BCORL1: variants seen among roughly 807,000 people sequenced by gnomAD.
BCORL1 encodes BCL-6 corepressor-like protein 1.
In BCORL1, 7 loss-of-function variants were observed where a neutral mutation model predicts 87.6. That is an observed-to-expected ratio of 0.08 (90% CI 0.05 to 0.15). The LOEUF (loss-of-function observed/expected upper bound fraction) is 0.15. Ranked by LOEUF, BCORL1 falls within the 10% of genes least tolerant of loss-of-function variation. BCORL1 has a pLI of 1.00. For synonymous variants in BCORL1, 591 were observed against 634.4 expected, an observed-to-expected ratio of 0.93 and a Z score of 1.03; for missense variants, 1,215 against 1,499.7, an observed-to-expected ratio of 0.81 and a Z score of 3.13.
At chrX:130,032,721 C>T (rs774325251) in intron 8 of BCORL1, among the ~76,000 whole-genome samples, 2 of 106,398 alleles carry the variant, frequency 1.9e-5, no homozygotes, top group South Asian at 4.2e-4. Flanking sequence ...ACCTCCAGGT[C>T]GAGAATCTCT....
chrX:130,047,246 C>G (rs1931810879), intron 11 of BCORL1, among the ~76,000 whole-genome samples: 3 of 111,053 alleles, frequency 2.7e-5, no homozygotes, highest in Non-Finnish European at 5.7e-5. Context: ...GGGCATATAC[C>G]TAGGAGTGGA....
chrX:130,001,962 G>T (rs372134294), intron 1 of BCORL1, among the ~76,000 whole-genome samples: 3 of 110,712 alleles, frequency 2.7e-5, no homozygotes, highest in East Asian at 2.8e-4. Context: ...ATAATATTCT[G>T]GGTGAGAGCT....
Position 130,056,547 on chromosome X carries a change from C to A in BCORL1, c.*411C>A. On this transcript the variant is annotated 3_prime_UTR_variant, in exon 14 of 14. Coordinates refer to ENST00000540052, the MANE Select transcript of BCORL1 (RefSeq NM_001379451.1). ...TCTCTGAGCGCCCCCCAACTCCATT[C>A]CCCTGTGTTCTTCTGTCTTCTGTAG... The A allele has an allele frequency of 7.2e-6, 1 of 137,949 alleles. No individual in the cohort carries two copies. Among genetic ancestry groups the A allele is most frequent in the African/African-American group, 3.1e-5 (1 of 32,436 alleles). 11.4% of individuals were successfully genotyped at this position (137,949 alleles called of 1,213,427 possible). A position where few individuals can be genotyped will look rare whatever the true frequency, so the allele number is the denominator to read the frequency against.
chrX:130,004,190 G>A (rs1928288128), intron 1 of BCORL1, among the ~76,000 whole-genome samples: 2 of 109,228 alleles, frequency 1.8e-5, no homozygotes, highest in Admixed American at 2.0e-4. Flanking sequence ...AGAGAGTGGT[G>A]GAACATGGAG....
At chrX:130,054,046 A>G (rs1395462695) in intron 13 of BCORL1, among the ~76,000 whole-genome samples, 1 of 112,335 alleles carries the variant, frequency 8.9e-6, no homozygotes, top group East Asian at 2.8e-4. Context: ...TTGATTCTAT[A>G]AACATGTCTT....
At chrX:129,997,970 C>T (rs1034918369) in intron 1 of BCORL1, among the ~76,000 whole-genome samples, 1 of 101,688 alleles carries the variant, frequency 9.8e-6, no homozygotes, top group African/African-American at 3.7e-5. Flanking sequence ...CATGTGCCTC[C>T]TAAATTGAAG....
chrX:129,991,899 C>T (rs1252879176), intron 1 of BCORL1, among the ~76,000 whole-genome samples: 1 of 95,227 alleles, frequency 1.1e-5, no homozygotes, highest in Non-Finnish European at 2.1e-5. Context: ...CCCCTGACCT[C>T]GTGATCCATC....
intron 4 of BCORL1, among the ~76,000 whole-genome samples, chrX:130,020,583 A>G (rs1337830396): frequency 8.9e-6 from 1 of 112,427 alleles, no homozygotes; most frequent in Non-Finnish European, 1.9e-5. Context: ...TACCATTCAC[A>G]GTGAAGTTAT....
At position 130,025,322 on chromosome X, in the gene BCORL1, C is replaced by G; in HGVS notation, c.4021C>G (p.Gln1341Glu). The change falls in exon 7 of 14, where the codon CAG (glutamine) becomes GAG (glutamate). Residue 1341 changes from glutamine to glutamate, a missense_variant. Physicochemically the swap from Gln to Glu is conservative, Grantham distance 29 (BLOSUM62 2). Around this residue, in one of 5 missense-constraint regions of BCORL1, gnomAD observed 166 missense variants for 196.5 expected, o/e 0.84. Coordinates refer to ENST00000540052, the MANE Select transcript of BCORL1 (RefSeq NM_001379451.1). Reference sequence around the variant, plus strand: ...AAGACGGCAGAAGAGCCGAAAATATCAGACTGGGGAGTACCTGACAGAGCA... The same window carrying G: ...AAGACGGCAGAAGAGCCGAAAATATGAGACTGGGGAGTACCTGACAGAGCA... The part of the protein sequence containing the change: ...KRRRQKSRKY[Q>E]TGEYLTEQED... 8.4e-7 allele frequency: 1 copy of G among 1,186,586 alleles called. No individual in the cohort carries two copies.
At chrX:130,046,529 C>G (rs776587413) in intron 11 of BCORL1, among the ~76,000 whole-genome samples, 1 of 108,921 alleles carries the variant, frequency 9.2e-6, no homozygotes, top group African/African-American at 3.3e-5. Flanking sequence ...GGATTACAGA[C>G]ATGCACCACC....
chrX:130,044,800 C>G (rs186478202), intron 11 of BCORL1, among the ~76,000 whole-genome samples: 1 of 112,526 alleles, frequency 8.9e-6, no homozygotes, highest in Non-Finnish European at 1.9e-5. Flanking sequence ...TGAGCCACCG[C>G]GCCCAGCAGT....
In BCORL1 at chrX:130,015,848, G is replaced by A; in HGVS notation, c.3076G>A (p.Val1026Ile). 1 of 1,211,968 alleles carries A rather than the reference G, an allele frequency of 8.3e-7. No homozygotes were observed. The highest frequency in any genetic ancestry group is 1.7e-5 in the African/African-American group (1 of 57,837). Residue 1026 changes from valine to isoleucine, a missense_variant, in exon 4 of 14, where the codon GTT becomes ATT. Val to Ile is a conservative substitution (Grantham distance 29). Coordinates refer to ENST00000540052, the MANE Select transcript of BCORL1 (RefSeq NM_001379451.1). Reference protein sequence around the residue: ...SHPKELILDVVPSSRRGSSTE... With the variant: ...SHPKELILDVIPSSRRGSSTE... ...CCCCAAGGAACTTATATTGGACGTG[G>A]TTCCGAGCAGCAGGAGGGGCTCCAG...
At position 130,013,503 on chromosome X, in the gene BCORL1, C is replaced by T. The variant is rs1170941931; in HGVS notation, c.731C>T (p.Ser244Leu). Reference sequence around the variant, plus strand: ...CTTGTTCCAGTCCAAGTTGCCACTTCGGTTCCAGCTCCTTCCCCTCCCTTA... The same window carrying T: ...CTTGTTCCAGTCCAAGTTGCCACTTTGGTTCCAGCTCCTTCCCCTCCCTTA... ...SGLVPVQVAT[S>L]VPAPSPPLAP... The change falls in exon 4 of 14, where the codon TCG (serine) becomes TTG (leucine). Residue 244 changes from serine (S) to leucine (L), a missense_variant. Transcript: ENST00000540052. 3.3e-6 allele frequency: 4 copies of T among 1,210,995 alleles called. No homozygotes were observed. The highest frequency in any genetic ancestry group is 3.5e-5 in the South Asian group (2 of 56,910).
At chrX:130,020,928 G>A in intron 4 of BCORL1, 57 bp from the exon 5 acceptor site, 1 of 1,099,631 alleles carries the variant, frequency 9.1e-7, no homozygotes, top group Non-Finnish European at 1.2e-6. Context: ...TCAACCCCTG[G>A]AGAGCTTTCT....
chrX:130,050,195 G>A (rs1931988816), intron 11 of BCORL1, among the ~76,000 whole-genome samples: 1 of 110,949 alleles, frequency 9.0e-6, no homozygotes, highest in Non-Finnish European at 1.9e-5. Flanking sequence ...ACTTTGGGAG[G>A]CCGAGGTGGG....
At chrX:129,980,691 G>A (rs1359085055), upstream of BCORL1, among the ~76,000 whole-genome samples, 2 of 110,445 alleles carry the variant, frequency 1.8e-5, no homozygotes, top group South Asian at 3.8e-4. Flanking sequence ...CTCCGGTGGC[G>A]TGGGCGCGGG....
rs189121524 is a variant in BCORL1, at chrX:130,021,256, G to A, written c.3607+106G>A. 4.7e-4 allele frequency: 508 copies of A among 1,090,880 alleles called. 2 individuals carry two copies. In the African/African-American group the frequency reaches 8.8e-3, roughly 19 times the overall value. 89.9% of individuals were successfully genotyped at this position (1,090,880 alleles called of 1,213,427 possible). On this transcript the variant is annotated intron_variant, in intron 5 of 13. Transcript: ENST00000540052. Reference sequence around the variant, plus strand: ...GCGCTGACTCCTTCACTCTGGAAAAGTGAGACTTCTTCACTGTGGAAAGAA... The same window carrying A: ...GCGCTGACTCCTTCACTCTGGAAAAATGAGACTTCTTCACTGTGGAAAGAA...
rs954413543 is a variant in BCORL1 at position 129,988,894 on chromosome X, G to A, written c.-45+6132G>A. 1.6e-4 allele frequency among the ~76,000 whole-genome samples: 18 copies of A among 111,844 alleles called. No individual in the cohort carries two copies. The Admixed American group carries it at 1.6e-3, about 10-fold the overall frequency. ...TTTTGTGGAGAAGTGCACCGTATAT[G>A]ACTATGATCGCAGAGGTGAGTTGAT... On this transcript the variant is annotated intron_variant, in intron 1 of 13. Transcript: ENST00000540052.
chrX:130,031,780 T>C (rs1350232317), intron 8 of BCORL1, among the ~76,000 whole-genome samples: 2 of 110,834 alleles, frequency 1.8e-5, no homozygotes, highest in Non-Finnish European at 3.8e-5. Flanking sequence ...CGAGACTCTG[T>C]CTCAAAAACA....
Sources: allele counts gnomAD v4.1 joint callset (sites outside exome capture counted in the v4.1 genomes callset), GRCh38; gene constraint gnomAD v4.1.1; regional missense constraint gnomAD v4.1.1; transcripts MANE v1.5; gene names NCBI Gene and HGNC (gene_info 2026-07-23, HGNC 2026-07-21).